WBP1L: variants seen among roughly 807,000 people sequenced by gnomAD.
The protein encoded by WBP1L is WW domain binding protein 1-like.
In WBP1L, 17 loss-of-function variants were observed where a neutral mutation model predicts 33.7. The observed-to-expected ratio is 0.50, with a 90% CI of 0.34 to 0.76. The LOEUF (loss-of-function observed/expected upper bound fraction) is 0.76, where lower values mean the gene tolerates loss of function less well. Ranked by LOEUF, WBP1L falls within the 30% of genes least tolerant of loss-of-function variation. WBP1L has a pLI of 0.01. For missense variants in WBP1L, 389 were observed against 469.4 expected (o/e 0.83, Z 1.58); for synonymous variants, 173 against 190.8 (o/e 0.91, Z 0.77).
At chr10:102,765,054 C>T (rs1006976543) in intron 1 of WBP1L, among the ~76,000 whole-genome samples, 1 of 152,134 alleles carries the variant, frequency 6.6e-6, no homozygotes. Context: ...TTAAATTCCT[C>T]AGCTGAGAAA....
At chr10:102,768,224 G>A (rs965088720) in intron 1 of WBP1L, among the ~76,000 whole-genome samples, 4 of 151,822 alleles carry the variant, frequency 2.6e-5, no homozygotes, top group Non-Finnish European at 5.9e-5. Flanking sequence ...ACAGGCATGT[G>A]CCACCATGCC....
At chr10:102,771,280 G>A (rs1212212544) in intron 1 of WBP1L, among the ~76,000 whole-genome samples, 1 of 152,164 alleles carries the variant, frequency 6.6e-6, no homozygotes, top group Non-Finnish European at 1.5e-5. Context: ...AATCCGGTAC[G>A]GCACAGTGGT....
chr10:102,810,143 G>GGCC, intron 3 of WBP1L, 89 bp downstream of exon 3: 1 of 1,505,510 alleles, frequency 6.6e-7, no homozygotes, highest in Non-Finnish European at 8.9e-7. Flanking sequence ...CCAGGCTCCT[G>GGCC]TAGGCATAGG....
chr10:102,792,388 A>G (rs1275703442), intron 1 of WBP1L, among the ~76,000 whole-genome samples: 1 of 152,192 alleles, frequency 6.6e-6, no homozygotes, highest in Non-Finnish European at 1.5e-5. Flanking sequence ...TTTTGTGCAA[A>G]TGAAAACATT....
intron 1 of WBP1L, among the ~76,000 whole-genome samples, chr10:102,749,750 C>T (rs1022830146): frequency 2.0e-5 from 3 of 152,112 alleles, no homozygotes; most frequent in Non-Finnish European, 4.4e-5. Context: ...GCGTGAGCCA[C>T]TGTTCCTGGC....
chr10:102,746,955 G>T (rs1443910156), intron 1 of WBP1L, among the ~76,000 whole-genome samples: 1 of 152,118 alleles, frequency 6.6e-6, no homozygotes, highest in Non-Finnish European at 1.5e-5. Flanking sequence ...TCTTGTTTAT[G>T]CAGGCAGGCC....
intron 1 of WBP1L, among the ~76,000 whole-genome samples, chr10:102,760,027 G>A (rs183945603): frequency 2.6e-5 from 4 of 152,296 alleles, no homozygotes; most frequent in Non-Finnish European, 5.9e-5. Flanking sequence ...GTTATGGTCT[G>A]CCTTTTTAAT....
At chr10:102,812,494 T>C (rs1843857544) in intron 3 of WBP1L, 101 bp from the exon 4 acceptor site, 1 of 1,382,512 alleles carries the variant, frequency 7.2e-7, no homozygotes, top group African/African-American at 1.5e-5. Flanking sequence ...TTGGGTGCTC[T>C]GGGGTGGGAA....
At chr10:102,769,990 C>A (rs984790477) in intron 1 of WBP1L, among the ~76,000 whole-genome samples, 1 of 152,180 alleles carries the variant, frequency 6.6e-6, no homozygotes, top group African/African-American at 2.4e-5. Flanking sequence ...CCTCAGCAGG[C>A]CTGCTACATG....
intron 1 of WBP1L, among the ~76,000 whole-genome samples, chr10:102,764,168 CAAG>C (rs1447679781): frequency 3.3e-5 from 5 of 152,182 alleles, no homozygotes; most frequent in East Asian, 1.9e-4. Context: ...GAGTTCTCTG[CAAG>C]AAGAAGGATG....
intron 1 of WBP1L, among the ~76,000 whole-genome samples, chr10:102,796,311 T>C (rs1332268894): frequency 6.6e-6 from 1 of 152,152 alleles, no homozygotes; most frequent in African/African-American, 2.4e-5. Flanking sequence ...TATCAGAATG[T>C]AAAGTTTTTA....
At chr10:102,793,108 A>G (rs11191396) in intron 1 of WBP1L, among the ~76,000 whole-genome samples, 78,722 of 151,946 alleles carry the variant, frequency 0.52, 21,421 homozygotes, top group Middle Eastern at 0.63. Context: ...GATGGCCTAA[A>G]CAATATAATA....
At chr10:102,749,900 C>T (rs1333315363) in intron 1 of WBP1L, among the ~76,000 whole-genome samples, 4 of 151,850 alleles carry the variant, frequency 2.6e-5, no homozygotes, top group Non-Finnish European at 5.9e-5. Flanking sequence ...GCCTCAGCCT[C>T]CCAAATAGCT....
Position 102,813,352 on chromosome 10 carries a change from A to G in WBP1L, c.*21A>G, listed in dbSNP as rs1171435889. The G allele has an allele frequency of 1.9e-6, 3 of 1,584,196 alleles. No homozygotes were observed. The Admixed American group carries it at 5.3e-5, about 28-fold the overall frequency. The stretch of plus-strand genomic sequence containing the variant: ...GCTAGAGCAGGTCCTGCCAGCACCC[A>G]GCAACTTGGCAAAGCAACCAGGGTA... On this transcript the variant is annotated 3_prime_UTR_variant, in exon 4 of 4. Transcript: ENST00000448841.
At chr10:102,750,866 C>G (rs941013644) in intron 1 of WBP1L, among the ~76,000 whole-genome samples, 3 of 152,182 alleles carry the variant, frequency 2.0e-5, no homozygotes, top group Admixed American at 1.3e-4. Context: ...ACTTCCCTTT[C>G]TAGCCCCTTT....
At chr10:102,809,107 T>A (rs192045010) in intron 2 of WBP1L, among the ~76,000 whole-genome samples, 239 of 141,034 alleles carry the variant, frequency 1.7e-3, no homozygotes, top group African/African-American at 6.0e-3. Context: ...TTTGTGACGG[T>A]GTCTTGCTCA....
intron 1 of WBP1L, among the ~76,000 whole-genome samples, chr10:102,754,908 T>TA (rs1842957901): frequency 6.6e-6 from 1 of 151,792 alleles, no homozygotes; most frequent in African/African-American, 2.4e-5. Flanking sequence ...TTTATTTATT[T>TA]TTTGAGATGG....
chr10:102,767,289 G>C (rs189688376), intron 1 of WBP1L, among the ~76,000 whole-genome samples: 27 of 152,272 alleles, frequency 1.8e-4, no homozygotes, highest in African/African-American at 6.3e-4. Context: ...TTCTTGTTTG[G>C]GGGGTGGGGA....
intron 1 of WBP1L, among the ~76,000 whole-genome samples, chr10:102,786,314 C>T (rs1843414504): frequency 6.6e-6 from 1 of 152,114 alleles, no homozygotes; most frequent in East Asian, 1.9e-4. Flanking sequence ...TGTTGGGACA[C>T]GTTTGGGATT....
Sources: allele counts gnomAD v4.1 joint callset (sites outside exome capture counted in the v4.1 genomes callset), GRCh38; gene constraint gnomAD v4.1.1; transcripts MANE v1.5; gene names NCBI Gene and HGNC (gene_info 2026-07-23, HGNC 2026-07-21).